The following LRBA variants were observed in gnomAD, a reference collection of about 807,000 sequenced individuals.
The protein encoded by LRBA is LPS responsive beige-like anchor protein, also known as lipopolysaccharide-responsive and beige-like anchor protein.
A neutral mutation model predicts 330.0 loss-of-function variants in LRBA; 176 were observed. The observed-to-expected ratio is 0.53, with a 90% CI of 0.47 to 0.60. LRBA has a LOEUF of 0.60. LRBA is among the 20% of genes least tolerant of loss of function. The pLI, the probability that LRBA is intolerant of heterozygous loss-of-function variation, is 0.00. For missense variants in LRBA, 3,259 were observed against 3,444.8 expected (o/e 0.95, Z 1.35); for synonymous variants, 1,230 against 1,193.0 (o/e 1.03, Z -0.64).
chr4:150,844,231 G>GTA (rs376256990), intron 27 of LRBA, 24 bp from the exon 28 acceptor site: 283 of 1,121,824 alleles, frequency 2.5e-4, no homozygotes, highest in Middle Eastern at 6.5e-4. Context: ...AAAAAAAATT[G>GTA]TATATATATA....
chr4:150,267,068 G>T (rs1401647421), intron 56 of LRBA, among the ~76,000 whole-genome samples: 1 of 152,030 alleles, frequency 6.6e-6, no homozygotes, highest in Non-Finnish European at 1.5e-5. Flanking sequence ...TAACAGAATT[G>T]AAGGGAGAAA....
At chr4:150,310,520 G>A (rs955041782) in intron 51 of LRBA, 136 bp from the exon 52 acceptor site, 6 of 535,960 alleles carry the variant, frequency 1.1e-5, no homozygotes, top group African/African-American at 3.8e-5. Context: ...GAAAAACCGA[G>A]TAGGAAAACA....
intron 34 of LRBA, among the ~76,000 whole-genome samples, chr4:150,762,352 C>CTATA (rs1170907454): frequency 6.6e-6 from 1 of 151,768 alleles, no homozygotes; most frequent in Non-Finnish European, 1.5e-5. Context: ...GAGTTAGAAA[C>CTATA]TATAATTCAC....
At chr4:150,750,086 A>G (rs1582235517) in intron 35 of LRBA, among the ~76,000 whole-genome samples, 1 of 152,224 alleles carries the variant, frequency 6.6e-6, no homozygotes, top group East Asian at 1.9e-4. Flanking sequence ...CTTCATTCAA[A>G]CTGTTTCCCC....
At chr4:150,585,336 C>A (rs1022690744) in intron 40 of LRBA, among the ~76,000 whole-genome samples, 6 of 152,084 alleles carry the variant, frequency 3.9e-5, no homozygotes, top group Non-Finnish European at 7.4e-5. Context: ...TTATTTTAAT[C>A]AAATTTCAAG....
chr4:150,505,999 C>A (rs1761020657), intron 40 of LRBA, among the ~76,000 whole-genome samples: 1 of 152,286 alleles, frequency 6.6e-6, no homozygotes, highest in Admixed American at 6.5e-5. Context: ...AATTCCTCGA[C>A]ACATACATCC....
In LRBA at chr4:150,542,858, T is replaced by C. The variant is rs559908147; in HGVS notation, c.6330+45190A>G. On this transcript the variant is annotated intron_variant, in intron 40 of 56. Coordinates refer to ENST00000651943, the MANE Select transcript of LRBA (RefSeq NM_001364905.1). The stretch of plus-strand genomic sequence containing the variant: ...TCTGATAATGACACATCCATAATCA[T>C]ACAAAAAAATTTTAAGGTTTCATAG... Among the ~76,000 whole-genome samples, 231 of 152,248 alleles carry C rather than the reference T, an allele frequency of 1.5e-3. 1 individual carries two copies. Among genetic ancestry groups the C allele is most frequent in the Non-Finnish European group, 2.4e-3 (162 of 68,004 alleles).
At chr4:150,842,385 C>A (rs989102011) in intron 28 of LRBA, among the ~76,000 whole-genome samples, 20 of 152,146 alleles carry the variant, frequency 1.3e-4, no homozygotes, top group Admixed American at 3.9e-4. Context: ...CTCCTAGGCT[C>A]AAGCGATCCT....
At chr4:150,509,680 G>GA (rs533184215) in intron 40 of LRBA, among the ~76,000 whole-genome samples, 3 of 150,594 alleles carry the variant, frequency 2.0e-5, no homozygotes, top group Non-Finnish European at 4.4e-5. Context: ...AGAGATTAGG[G>GA]AAAAAAAATA....
chr4:150,898,239 G>A (rs1332143153), intron 14 of LRBA, among the ~76,000 whole-genome samples: 2 of 151,936 alleles, frequency 1.3e-5, no homozygotes, highest in Non-Finnish European at 2.9e-5. Flanking sequence ...AATTCAGTAT[G>A]ACAAAATTTT....
At chr4:150,537,006 A>G (rs886129682) in intron 40 of LRBA, among the ~76,000 whole-genome samples, 4 of 152,268 alleles carry the variant, frequency 2.6e-5, no homozygotes, top group Non-Finnish European at 4.4e-5. Flanking sequence ...GAAGCAAAAA[A>G]GAGGCTGAAT....
intron 37 of LRBA, among the ~76,000 whole-genome samples, chr4:150,645,629 T>C (rs1214801887): frequency 6.6e-6 from 1 of 151,934 alleles, no homozygotes; most frequent in Non-Finnish European, 1.5e-5. Context: ...TAACCTATAA[T>C]GTAACGGTAT....
chr4:150,720,435 A>C (rs1728784117), intron 36 of LRBA, among the ~76,000 whole-genome samples: 1 of 152,114 alleles, frequency 6.6e-6, no homozygotes, highest in African/African-American at 2.4e-5. Context: ...TGAAGTCCTA[A>C]ATAAACAAAA....
intron 37 of LRBA, among the ~76,000 whole-genome samples, chr4:150,666,080 A>C (rs561103610): frequency 4.2e-4 from 64 of 152,324 alleles, no homozygotes; most frequent in African/African-American, 1.4e-3. Flanking sequence ...GGAGAGAGTA[A>C]TCACGAAAGG....
intron 41 of LRBA, among the ~76,000 whole-genome samples, chr4:150,489,770 T>A (rs1250940428): frequency 7.1e-6 from 1 of 141,796 alleles, no homozygotes; most frequent in African/African-American, 2.6e-5. Flanking sequence ...ATATATATTC[T>A]TATCTGTGTG....
intron 47 of LRBA, among the ~76,000 whole-genome samples, chr4:150,362,376 G>A (rs1738837728): frequency 6.6e-6 from 1 of 151,932 alleles, no homozygotes. Context: ...TTATTCTATC[G>A]GTATCCAAAC....
intron 44 of LRBA, among the ~76,000 whole-genome samples, chr4:150,458,652 T>C (rs556206518): frequency 9.9e-5 from 15 of 152,128 alleles, no homozygotes; most frequent in African/African-American, 3.6e-4. Context: ...TTTTAGAAGA[T>C]ATCTGCATTT....
In LRBA at chr4:150,489,261, T is replaced by TTCG. The variant is rs1758425827; in HGVS notation, c.6449-1428_6449-1427insCGA. ...ATACGAATATATAATATATTATATATAAGAATATATAATATATTATATATA... is the reference window on the plus strand; with the variant it reads ...ATACGAATATATAATATATTATATATTCGAAGAATATATAATATATTATATATA... On this transcript the variant is annotated intron_variant, in intron 41 of 56. Coordinates refer to ENST00000651943, the MANE Select transcript of LRBA (RefSeq NM_001364905.1). Among the ~76,000 whole-genome samples the TTCG allele has an allele frequency of 4.9e-5, 3 of 60,720 alleles. 1 individual carries two copies. In the East Asian group the frequency reaches 1.7e-3, roughly 35 times the overall value. The allele number at this position is 60,720 out of a possible 152,430, so 39.8% of individuals were successfully genotyped here. A position where few individuals can be genotyped will look rare whatever the true frequency, so the allele number is the denominator to read the frequency against.
chr4:150,684,924 T>C (rs1416635974), intron 36 of LRBA, among the ~76,000 whole-genome samples: 2 of 152,164 alleles, frequency 1.3e-5, no homozygotes, highest in African/African-American at 4.8e-5. Flanking sequence ...ATAGGAGTCC[T>C]GATTGTCCTG....
Sources: allele counts gnomAD v4.1 joint callset (sites outside exome capture counted in the v4.1 genomes callset), GRCh38; gene constraint gnomAD v4.1.1; transcripts MANE v1.5; gene names NCBI Gene and HGNC (gene_info 2026-07-23, HGNC 2026-07-21).